DCC: variants seen among roughly 807,000 people sequenced by gnomAD.
The protein encoded by DCC is netrin receptor DCC.
DCC carries 58 observed loss-of-function variants against 172.5 expected under a neutral mutation model. The observed-to-expected ratio is 0.34, with a 90% CI of 0.27 to 0.42. The LOEUF (loss-of-function observed/expected upper bound fraction) is 0.42. Ranked by LOEUF, DCC falls within the 10% of genes least tolerant of loss-of-function variation. DCC has a pLI of 1.00. For synonymous variants in DCC, 709 were observed against 644.5 expected, an observed-to-expected ratio of 1.10 and a Z score of -1.52; for missense variants, 1,740 against 1,791.0, an observed-to-expected ratio of 0.97 and a Z score of 0.51.
intron 1 of DCC, among the ~76,000 whole-genome samples, chr18:52,416,869 T>C (rs1444323275): frequency 1.3e-5 from 2 of 152,116 alleles, no homozygotes; most frequent in Non-Finnish European, 2.9e-5. Flanking sequence ...TTAGTCCATT[T>C]ACATTTAAAG....
intron 21 of DCC, among the ~76,000 whole-genome samples, chr18:53,417,901 A>T (rs1910413381): frequency 6.6e-6 from 1 of 152,172 alleles, no homozygotes. Context: ...TATTTTATGA[A>T]AGGCAAATGA....
At chr18:53,348,237 A>T (rs932057403) in intron 15 of DCC, among the ~76,000 whole-genome samples, 2 of 152,184 alleles carry the variant, frequency 1.3e-5, no homozygotes, top group Non-Finnish European at 2.9e-5. Context: ...TCCAAATGGG[A>T]GAAATTGGCC....
chr18:53,140,768 G>C (rs1269834156), intron 7 of DCC, among the ~76,000 whole-genome samples: 1 of 152,014 alleles, frequency 6.6e-6, no homozygotes, highest in Admixed American at 6.6e-5. Flanking sequence ...TAGGAGGTTT[G>C]AGTGATTGAT....
intron 3 of DCC, among the ~76,000 whole-genome samples, chr18:52,917,932 G>T (rs537407042): frequency 6.6e-6 from 1 of 152,148 alleles, no homozygotes; most frequent in Non-Finnish European, 1.5e-5. Context: ...TCACATTAAA[G>T]AGGTATGCTT....
chr18:53,373,990 A>C (rs780017361), intron 15 of DCC, among the ~76,000 whole-genome samples: 2 of 152,236 alleles, frequency 1.3e-5, no homozygotes, highest in Non-Finnish European at 2.9e-5. Context: ...ATAAATAGTA[A>C]CAGGAATCCT....
intron 1 of DCC, among the ~76,000 whole-genome samples, chr18:52,495,561 C>T (rs1237146781): frequency 6.6e-6 from 1 of 152,018 alleles, no homozygotes; most frequent in Non-Finnish European, 1.5e-5. Flanking sequence ...CAAGTACTTC[C>T]TACTTTTCTA....
At chr18:53,402,968 C>T (rs1335770870) in intron 19 of DCC, 75 bp downstream of exon 19, 3 of 1,044,024 alleles carry the variant, frequency 2.9e-6, no homozygotes, top group East Asian at 4.7e-5. Context: ...ATGAGCTGCT[C>T]CTGCCTTTCG....
intron 1 of DCC, among the ~76,000 whole-genome samples, chr18:52,522,342 C>T (rs1220241606): frequency 6.6e-6 from 1 of 152,046 alleles, no homozygotes; most frequent in South Asian, 2.1e-4. Flanking sequence ...ACACAATAAC[C>T]AAGCTGAGAG....
intron 5 of DCC, among the ~76,000 whole-genome samples, chr18:52,949,962 C>A (rs1039640363): frequency 6.6e-6 from 1 of 152,156 alleles, no homozygotes; most frequent in African/African-American, 2.4e-5. Flanking sequence ...TCAGGGACAT[C>A]TCACCTATTT....
chr18:53,466,361 T>C (rs1180946052), intron 24 of DCC, among the ~76,000 whole-genome samples: 1 of 152,216 alleles, frequency 6.6e-6, no homozygotes, highest in East Asian at 1.9e-4. Flanking sequence ...CTCTCTTCTA[T>C]ACAGACTTTC....
chr18:52,662,473 T>C (rs1353122074), intron 1 of DCC, among the ~76,000 whole-genome samples: 1 of 127,314 alleles, frequency 7.9e-6, no homozygotes, highest in Non-Finnish European at 1.6e-5. Context: ...TAGGGAAAAA[T>C]ACATCAGGGA....
intron 17 of DCC, among the ~76,000 whole-genome samples, chr18:53,395,077 G>A (rs1427012340): frequency 6.6e-6 from 1 of 151,536 alleles, no homozygotes; most frequent in Non-Finnish European, 1.5e-5. Context: ...TTGAACCCGA[G>A]AGGCTGAGGT....
intron 2 of DCC, among the ~76,000 whole-genome samples, chr18:52,871,330 T>G (rs1445238443): frequency 6.6e-6 from 1 of 152,044 alleles, no homozygotes; most frequent in Non-Finnish European, 1.5e-5. Context: ...GTCTTTTTTT[T>G]TTTTGGCTGC....
At chr18:53,122,897 A>G (rs1205522564) in intron 7 of DCC, among the ~76,000 whole-genome samples, 1 of 152,060 alleles carries the variant, frequency 6.6e-6, no homozygotes, top group Non-Finnish European at 1.5e-5. Flanking sequence ...TCCCTTTTGC[A>G]TGCATATCTT....
rs1183942113 is a variant in DCC at position 52,774,599 on chromosome 18, TC to T, written c.412+22228del. Among the ~76,000 whole-genome samples the T allele has an allele frequency of 2.0e-5, 3 of 152,194 alleles. No homozygotes were observed. The East Asian group carries it at 5.8e-4, about 29-fold the overall frequency. ...TGCATTCTGTTGAAATGGCAAAGGT[TC>T]CCTTGTTCCCCTCGCAGAGTGTGTG... On this transcript the variant is annotated intron_variant, in intron 2 of 28. Coordinates refer to ENST00000442544, the MANE Select transcript of DCC (RefSeq NM_005215.4).
Position 52,657,027 on chromosome 18 carries a change from G to A in DCC, c.92-95027G>A, listed in dbSNP as rs191858914. Among the ~76,000 whole-genome samples the A allele has an allele frequency of 2.6e-5, 4 of 152,280 alleles. No homozygotes were observed. In the East Asian group the frequency reaches 7.7e-4, roughly 29 times the overall value. ...ATCATGTTTAGAGAAGGGGAAATGT[G>A]ATAACATTAGAGTTTATTATTTTCC... is the stretch of plus-strand genomic sequence containing the variant. On this transcript the variant is annotated intron_variant, in intron 1 of 28. Coordinates refer to ENST00000442544, the MANE Select transcript of DCC (RefSeq NM_005215.4).
intron 5 of DCC, among the ~76,000 whole-genome samples, chr18:52,957,122 A>T (rs2040757443): frequency 1.3e-5 from 2 of 152,162 alleles, no homozygotes; most frequent in Non-Finnish European, 2.9e-5. Context: ...ATGTGAAAGG[A>T]TATGTTGTTC....
chr18:53,173,228 T>C (rs2055039798), intron 8 of DCC, among the ~76,000 whole-genome samples: 1 of 152,146 alleles, frequency 6.6e-6, no homozygotes, highest in Non-Finnish European at 1.5e-5. Context: ...TTACCTACTT[T>C]AGATTACTAT....
chr18:52,429,393 A>C (rs1440769846), intron 1 of DCC, among the ~76,000 whole-genome samples: 3 of 152,070 alleles, frequency 2.0e-5, no homozygotes, highest in Admixed American at 1.3e-4. Context: ...TTTCTGAAAA[A>C]AACAAAAACA....
Sources: allele counts gnomAD v4.1 joint callset (sites outside exome capture counted in the v4.1 genomes callset), GRCh38; gene constraint gnomAD v4.1.1; transcripts MANE v1.5; gene names NCBI Gene and HGNC (gene_info 2026-07-23, HGNC 2026-07-21).